Variants in ADAMTS9 observed in about 807,000 individuals in gnomAD.
ADAMTS9 encodes A disintegrin and metalloproteinase with thrombospondin motifs 9.
In ADAMTS9, 107 loss-of-function variants were observed where a neutral mutation model predicts 257.1. That is an observed-to-expected ratio of 0.42 (90% CI 0.36 to 0.49). The LOEUF (loss-of-function observed/expected upper bound fraction) is 0.49, where lower values mean the gene tolerates loss of function less well. Among genes scored for constraint, ADAMTS9 ranks in the 20% least tolerant of loss-of-function variants. The pLI is 0.03. For missense variants in ADAMTS9, 2,353 were observed against 2,469.1 expected (o/e 0.95, Z 1.00); for synonymous variants, 982 against 880.9 (o/e 1.11, Z -2.03).
intron 21 of ADAMTS9, 56 bp from the exon 22 acceptor site, chr3:64,613,565 C>G: frequency 7.7e-6 from 12 of 1,549,298 alleles, no homozygotes; most frequent in Non-Finnish European, 1.0e-5. Flanking sequence ...GTTGTGGTTT[C>G]TGGGGTTATT....
At chr3:64,585,778 T>C (rs1398572521) in intron 28 of ADAMTS9, among the ~76,000 whole-genome samples, 3 of 152,158 alleles carry the variant, frequency 2.0e-5, no homozygotes, top group Non-Finnish European at 4.4e-5. Flanking sequence ...AATATGTGCT[T>C]AATACTGGTT....
intron 17 of ADAMTS9, 32 bp downstream of exon 17, chr3:64,622,383 GAAGAA>G (rs1393245215): frequency 6.2e-7 from 1 of 1,612,964 alleles, no homozygotes; most frequent in South Asian, 1.1e-5. Context: ...ATGCCAAGCA[GAAGAA>G]AAGGGTGGTG....
chr3:64,597,109 A>T, intron 26 of ADAMTS9, 118 bp from the exon 27 acceptor site: 1 of 1,371,392 alleles, frequency 7.3e-7, no homozygotes, highest in Non-Finnish European at 9.9e-7. Context: ...TCATCCACGA[A>T]GGACAAAAAG....
chr3:64,633,965 C>G, intron 12 of ADAMTS9, 86 bp from the exon 13 acceptor site: 1 of 1,266,884 alleles, frequency 7.9e-7, no homozygotes, highest in Non-Finnish European at 1.1e-6. Flanking sequence ...GACTTCCTGT[C>G]TTCTAGAGAA....
chr3:64,542,552 C>T (rs1217949520), intron 32 of ADAMTS9, among the ~76,000 whole-genome samples: 3 of 151,654 alleles, frequency 2.0e-5, no homozygotes, highest in Non-Finnish European at 4.4e-5. Context: ...CTCAGACTCC[C>T]GAGTATCTGG....
intron 3 of ADAMTS9, among the ~76,000 whole-genome samples, chr3:64,661,801 AAAAT>A (rs149715466): frequency 0.013 from 2,039 of 152,304 alleles, 50 homozygotes; most frequent in African/African-American, 0.046. Flanking sequence ...TATACTGTGA[AAAAT>A]AAATAGTCCT....
At chr3:64,521,043 T>C (rs1177078836) in intron 39 of ADAMTS9, among the ~76,000 whole-genome samples, 6 of 152,078 alleles carry the variant, frequency 3.9e-5, no homozygotes, top group Non-Finnish European at 8.8e-5. Flanking sequence ...TTTTAACCTA[T>C]ACATTTGATA....
At chr3:64,563,801 G>T (rs1006005015) in intron 29 of ADAMTS9, among the ~76,000 whole-genome samples, 2 of 152,238 alleles carry the variant, frequency 1.3e-5, no homozygotes, top group African/African-American at 4.8e-5. Flanking sequence ...CTCACAGCAA[G>T]GTACAAGCCT....
At chr3:64,589,917 T>C (rs1001201021) in intron 28 of ADAMTS9, 1 of 152,216 alleles carries the variant, frequency 6.6e-6, no homozygotes, top group African/African-American at 2.4e-5. Context: ...CCTTTTACAG[T>C]TATCTGAACA....
chr3:64,611,075 C>CAAAAAAAAAAAAAAAAAA (rs34998404), intron 22 of ADAMTS9, among the ~76,000 whole-genome samples: 1 of 72,162 alleles, frequency 1.4e-5, no homozygotes, highest in Non-Finnish European at 2.7e-5. Flanking sequence ...GACTCTGTCT[C>CAAAAAAAAAAAAAAAAAA]AAAAAAAAAA....
At chr3:64,643,098 G>A (rs1370957647) in intron 11 of ADAMTS9, among the ~76,000 whole-genome samples, 1 of 152,128 alleles carries the variant, frequency 6.6e-6, no homozygotes, top group Non-Finnish European at 1.5e-5. Context: ...GTTTGGCTGA[G>A]GCTTAAGATG....
chr3:64,539,394 GAAT>G (rs750257065), intron 36 of ADAMTS9, 100 bp from the exon 37 acceptor site: 13 of 939,510 alleles, frequency 1.4e-5, no homozygotes, highest in Non-Finnish European at 2.2e-5. Flanking sequence ...GGAAGAAGAA[GAAT>G]AAGAGGGAAT....
chr3:64,658,915 A>G (rs2106971178), intron 3 of ADAMTS9, 124 bp from the exon 4 acceptor site: 1 of 1,012,450 alleles, frequency 9.9e-7, no homozygotes, highest in Non-Finnish European at 1.4e-6. Flanking sequence ...CAAGTCCTCC[A>G]TGGACTCTAC....
At chr3:64,620,325 T>C (rs1700075246) in intron 19 of ADAMTS9, among the ~76,000 whole-genome samples, 1 of 152,226 alleles carries the variant, frequency 6.6e-6, no homozygotes, top group African/African-American at 2.4e-5. Context: ...CATTGTAATG[T>C]GGAGCCTTCA....
At chr3:64,664,767 G>A (rs754384244) in intron 3 of ADAMTS9, among the ~76,000 whole-genome samples, 6 of 152,072 alleles carry the variant, frequency 3.9e-5, no homozygotes, top group Non-Finnish European at 8.8e-5. Flanking sequence ...ATATATTTTT[G>A]TTCTTCTTGT....
rs1405910827 is a variant in ADAMTS9, at chr3:64,551,012, C to T, written c.4749G>A (p.Val1583=). The T allele has an allele frequency of 2.5e-6, 4 of 1,614,182 alleles. No individual in the cohort carries two copies. Among genetic ancestry groups the T allele is most frequent in the Non-Finnish European group, 3.4e-6 (4 of 1,180,018 alleles). Residue 1583 remains valine, a synonymous_variant, in exon 31 of 40, where the codon GTG becomes GTA. Transcript: ENST00000498707. ...CATGCACCTCGTTTTTGTTGTCATCCACACACACCACCTTGCGGTACCTGG... is the reference window on the plus strand; with the variant it reads ...CATGCACCTCGTTTTTGTTGTCATCTACACACACCACCTTGCGGTACCTGG... ...EGSRYRKVVC[V]DDNKNEVHGA... is the part of the protein sequence containing the mutation.
At chr3:64,615,017 G>T in intron 21 of ADAMTS9, 1 of 260,026 alleles carries the variant, frequency 3.8e-6, no homozygotes, top group South Asian at 1.3e-4. Context: ...TTTCCTTTCA[G>T]TGACTTAGCT....
chr3:64,656,841 T>C (rs534076775), intron 4 of ADAMTS9, among the ~76,000 whole-genome samples: 1 of 151,742 alleles, frequency 6.6e-6, no homozygotes, highest in South Asian at 2.1e-4. Flanking sequence ...AGGAGTACCA[T>C]AGGCCACAAG....
rs1033423313 is a variant in ADAMTS9 at position 64,596,412 on chromosome 3, T to C, written c.4179+418A>G. On this transcript the variant is annotated intron_variant, in intron 27 of 39. Coordinates refer to ENST00000498707, the MANE Select transcript of ADAMTS9 (RefSeq NM_182920.2). ...TAGGAATTATAACACCTACTCAATC[T>C]GGCTTCATTAGTGACTTGGAATGTT... Among the ~76,000 whole-genome samples, 2 of 152,222 alleles carry C rather than the reference T, an allele frequency of 1.3e-5. 1 individual carries two copies. The highest frequency in any genetic ancestry group is 2.9e-5 in the Non-Finnish European group (2 of 68,036).
Sources: allele counts gnomAD v4.1 joint callset (sites outside exome capture counted in the v4.1 genomes callset), GRCh38; gene constraint gnomAD v4.1.1; transcripts MANE v1.5; gene names NCBI Gene and HGNC (gene_info 2026-07-23, HGNC 2026-07-21).